Variants in SCRIB observed in about 807,000 individuals in gnomAD.
SCRIB encodes protein scribble homolog.
SCRIB carries 72 observed loss-of-function variants against 170.0 expected under a neutral mutation model. The ratio of observed to expected loss-of-function variants is 0.42; its 90% CI spans 0.35 to 0.52. The LOEUF (loss-of-function observed/expected upper bound fraction) is 0.52. Ranked by LOEUF, SCRIB falls within the 20% of genes least tolerant of loss-of-function variation. The probability of loss-of-function intolerance (pLI) is 0.02; values close to 1 mark genes in which losing one functional copy is unlikely to be tolerated. For synonymous variants in SCRIB, 1,298 were observed against 1,044.3 expected (o/e 1.24, Z -4.68); for missense variants, 2,475 against 2,338.5 (o/e 1.06, Z -1.20).
intron 24 of SCRIB, among the ~76,000 whole-genome samples, chr8:143,798,690 T>G (rs1353957488): frequency 6.6e-6 from 1 of 150,882 alleles, no homozygotes; most frequent in African/African-American, 2.4e-5. Context: ...CTTAAATGAG[T>G]TAAATGTAAC....
At chr8:143,814,197 C>T in intron 1 of SCRIB, 79 bp from the exon 2 acceptor site, 1 of 1,230,672 alleles carries the variant, frequency 8.1e-7, no homozygotes, top group Non-Finnish European at 1.2e-6. Context: ...GTGAGTGTCA[C>T]AAGTCAAGAG....
chr8:143,802,951 G>A (rs1432051735), intron 24 of SCRIB, among the ~76,000 whole-genome samples: 1 of 152,228 alleles, frequency 6.6e-6, no homozygotes, highest in African/African-American at 2.4e-5. Context: ...GAGGAGCAAG[G>A]TGCCACTAGG....
Position 143,812,366 on chromosome 8 carries a change from G to A in SCRIB, c.806C>T (p.Ser269Phe). 6.2e-7 allele frequency: 1 copy of A among 1,613,220 alleles called. No individual in the cohort carries two copies. Among genetic ancestry groups the A allele is most frequent in the Middle Eastern group, 1.6e-4 (1 of 6,062 alleles). Residue 269 changes from serine (S) to phenylalanine (F), a missense_variant, in exon 9 of 37, where the codon TCC becomes TTC. By Grantham distance (155) the Ser-to-Phe change is radical. Transcript: ENST00000356994. ...PDGIGQLKQL[S>F]ILKVDQNRLC... is the part of the protein sequence containing the mutation. ...CCGATTCTGGTCTACCTTTAGGATG[G>A]ATAGCTGCTTCAGCTGACCTGGCGT...
chr8:143,803,316 G>A (rs1271433470), intron 24 of SCRIB, 67 bp downstream of exon 24: 9 of 1,426,430 alleles, frequency 6.3e-6, no homozygotes, highest in South Asian at 1.4e-5. Flanking sequence ...CCCGAGAGGT[G>A]TCAGCGGCTC....
In SCRIB at chr8:143,815,624, G is replaced by A. The variant is rs1816060695; in HGVS notation, c.-252C>T. On this transcript the variant is annotated 5_prime_UTR_variant, in exon 1 of 37. Coordinates refer to ENST00000356994, the MANE Select transcript of SCRIB (RefSeq NM_182706.5). Reference sequence around the variant, plus strand: ...CTCTTAGGAAGCGCGGGGAGCGGCGGCGGCGGCGGCTCCGCATCCCGCTTG... The same window carrying A: ...CTCTTAGGAAGCGCGGGGAGCGGCGACGGCGGCGGCTCCGCATCCCGCTTG... 3 of 982,398 alleles carry A rather than the reference G, an allele frequency of 3.1e-6. No homozygotes were observed. Among genetic ancestry groups the A allele is most frequent in the Non-Finnish European group, 3.6e-6 (3 of 828,586 alleles). 60.9% of individuals were successfully genotyped at this position (982,398 alleles called of 1,614,324 possible).
intron 8 of SCRIB, 66 bp from the exon 9 acceptor site, chr8:143,812,450 C>G: frequency 8.1e-7 from 1 of 1,230,362 alleles, no homozygotes; most frequent in Non-Finnish European, 1.2e-6. Context: ...CCCACCTGGC[C>G]AGAAGCGCCC....
At chr8:143,814,215 G>A (rs959624019) in intron 1 of SCRIB, 97 bp from the exon 2 acceptor site, 7 of 997,332 alleles carry the variant, frequency 7.0e-6, no homozygotes, top group African/African-American at 4.8e-5. Context: ...GAGTCCCTAG[G>A]CCTCTGTCTG....
At chr8:143,811,123 C>T (rs745816613) in intron 10 of SCRIB, 23 bp downstream of exon 10, 24 of 1,600,246 alleles carry the variant, frequency 1.5e-5, no homozygotes, top group East Asian at 4.5e-5. Context: ...CGGTTAGGCC[C>T]GCAGGGCAAG....
chr8:143,805,345 G>C lies in SCRIB; in HGVS notation c.2437C>G (p.Arg813Gly). Reference sequence around the variant, plus strand: ...TTCTCAGGCTCCACCATGCGCTCCCGCCACACTCGCATCTGCACGGCAGTG... The same window carrying C: ...TTCTCAGGCTCCACCATGCGCTCCCCCCACACTCGCATCTGCACGGCAGTG... ...AGTAVQMRVW[R>G]ERMVEPENAV... Residue 813 changes from arginine to glycine, a missense_variant, in exon 19 of 37, where the codon CGG becomes GGG. This residue lies in a region of SCRIB where 1,966 missense variants were observed against 1,742.9 expected (regional missense o/e 1.13). Coordinates refer to ENST00000356994, the MANE Select transcript of SCRIB (RefSeq NM_182706.5). 2 of 1,550,656 alleles carry C rather than the reference G, an allele frequency of 1.3e-6. No homozygotes were observed. The highest frequency in any genetic ancestry group is 1.7e-6 in the Non-Finnish European group (2 of 1,154,118).
rs1586542459 is a variant in SCRIB at position 143,815,103 on chromosome 8, A to G, written c.159+111T>C. The G allele has an allele frequency of 6.2e-6, 8 of 1,296,626 alleles. No individual in the cohort carries two copies. The East Asian group carries it at 1.9e-4, about 30-fold the overall frequency. 80.3% of individuals were successfully genotyped at this position (1,296,626 alleles called of 1,614,324 possible). Reference sequence around the variant, plus strand: ...TGGGGTGGGGACCTGGCCAGTGCAAACCAGCAGGGCCGGCTGGAGGCTGCG... The same window carrying G: ...TGGGGTGGGGACCTGGCCAGTGCAAGCCAGCAGGGCCGGCTGGAGGCTGCG... On this transcript the variant is annotated intron_variant, in intron 1 of 36. Transcript: ENST00000356994.
Position 143,815,227 on chromosome 8 carries a change from C to T in SCRIB, c.146G>A (p.Arg49His), listed in dbSNP as rs1563811661. 1.3e-6 allele frequency: 2 copies of T among 1,587,620 alleles called. No homozygotes were observed. The highest frequency in any genetic ancestry group is 8.5e-7 in the Non-Finnish European group (1 of 1,172,746). Residue 49 changes from arginine to histidine, a missense_variant, in exon 1 of 37, where the codon CGC becomes CAC. Physicochemically the swap from Arg to His is conservative, Grantham distance 29. This residue lies in a region of SCRIB where 487 missense variants were observed against 558.1 expected (regional missense o/e 0.87). Coordinates refer to ENST00000356994, the MANE Select transcript of SCRIB (RefSeq NM_182706.5). Reference sequence around the variant, plus strand: ...GCGGCCGCTCACCTTGGGCAGCTCGCGCAGCTGGTTGGCGTCGAGCAGCAG... The same window carrying T: ...GCGGCCGCTCACCTTGGGCAGCTCGTGCAGCTGGTTGGCGTCGAGCAGCAG... ...EELLLDANQL[R>H]ELPKPFFRLL...
chr8:143,797,525 C>T (rs188296481), intron 24 of SCRIB, among the ~76,000 whole-genome samples: 2 of 152,352 alleles, frequency 1.3e-5, no homozygotes, highest in African/African-American at 2.4e-5. Context: ...AAAGCACCTT[C>T]CTCACTTGCT....
chr8:143,806,526 G>A (rs1274675596), intron 17 of SCRIB, 42 bp from the exon 18 acceptor site: 3 of 1,488,936 alleles, frequency 2.0e-6, no homozygotes, highest in East Asian at 2.4e-5. Context: ...AGGGAGACGG[G>A]CCCGCATTCC....
chr8:143,798,382 G>A (rs549660526), intron 24 of SCRIB, among the ~76,000 whole-genome samples: 5 of 152,322 alleles, frequency 3.3e-5, no homozygotes, highest in African/African-American at 4.8e-5. Flanking sequence ...CACAGGATGC[G>A]GACTGTACGT....
At position 143,803,852 on chromosome 8, in the gene SCRIB, G is replaced by A. The variant is rs781978489; in HGVS notation, c.3209C>T (p.Thr1070Met). 34 of 1,602,112 alleles carry A rather than the reference G, an allele frequency of 2.1e-5. No individual in the cohort carries two copies. Among genetic ancestry groups the A allele is most frequent in the East Asian group, 9.0e-5 (4 of 44,524 alleles). Residue 1070 changes from threonine (T) to methionine (M), a missense_variant, in exon 23 of 37, where the codon ACG becomes ATG. Around this residue, in one of 3 missense-constraint regions of SCRIB, gnomAD observed 1,966 missense variants for 1,742.9 expected, o/e 1.13. Transcript: ENST00000356994. ...CAGGGCACTGACTGCTTCTTGGTGC[G>A]TGGCATCCCGCACGTCTTGCCCGTT... Reference protein sequence around the residue: ...AVNGQDVRDATHQEAVSALLR... With the variant: ...AVNGQDVRDAMHQEAVSALLR...
chr8:143,815,521 C>G lies in SCRIB; in HGVS notation c.-149G>C. On this transcript the variant is annotated 5_prime_UTR_variant, in exon 1 of 37. Coordinates refer to ENST00000356994, the MANE Select transcript of SCRIB (RefSeq NM_182706.5). Reference sequence around the variant, plus strand: ...AGACTGGACGGGGACGCGGCCGCGGCCGGCGCTGGGCCCGGCCCGCGCTCG... The same window carrying G: ...AGACTGGACGGGGACGCGGCCGCGGGCGGCGCTGGGCCCGGCCCGCGCTCG... The G allele has an allele frequency of 1.0e-6, 1 of 983,588 alleles. No homozygotes were observed. The highest frequency in any genetic ancestry group is 1.2e-6 in the Non-Finnish European group (1 of 829,792). The allele number at this position is 983,588 out of a possible 1,614,324, so 60.9% of individuals were successfully genotyped here.
intron 6 of SCRIB, 90 bp from the exon 7 acceptor site, chr8:143,813,194 C>A: frequency 1.3e-6 from 2 of 1,585,730 alleles, no homozygotes; most frequent in Non-Finnish European, 1.7e-6. Flanking sequence ...ACACCCAGCT[C>A]CCACCCGCCT....
intron 20 of SCRIB, 50 bp downstream of exon 20, chr8:143,804,884 G>C: frequency 2.0e-6 from 3 of 1,528,500 alleles, no homozygotes; most frequent in Non-Finnish European, 2.6e-6. Context: ...GAGGGCGCGG[G>C]GCGGGGCAGG....
chr8:143,808,059 G>A (rs540633702), intron 15 of SCRIB, among the ~76,000 whole-genome samples: 5 of 152,314 alleles, frequency 3.3e-5, no homozygotes, highest in African/African-American at 1.2e-4. Context: ...AGGAGGGCCC[G>A]ACAAGGCAGA....
Sources: allele counts gnomAD v4.1 joint callset (sites outside exome capture counted in the v4.1 genomes callset), GRCh38; gene constraint gnomAD v4.1.1; regional missense constraint gnomAD v4.1.1; transcripts MANE v1.5; gene names NCBI Gene and HGNC (gene_info 2026-07-23, HGNC 2026-07-21).